CACHD1: variants seen among roughly 807,000 people sequenced by gnomAD.
CACHD1 encodes the protein VWFA and cache domain-containing protein 1.
In CACHD1, 71 loss-of-function variants were observed where a neutral mutation model predicts 138.7. The ratio of observed to expected loss-of-function variants is 0.51; its 90% CI spans 0.42 to 0.62. CACHD1 has a LOEUF of 0.62. Among genes scored for constraint, CACHD1 ranks in the 20% least tolerant of loss-of-function variants. CACHD1 has a pLI of 0.00. For missense variants in CACHD1, 1,389 were observed against 1,625.3 expected (o/e 0.85, Z 2.50); for synonymous variants, 578 against 591.5 (o/e 0.98, Z 0.33).
Position 64,530,021 on chromosome 1 carries a change from G to C in CACHD1, c.199-20573G>C, listed in dbSNP as rs568631453. Among the ~76,000 whole-genome samples the C allele has an allele frequency of 1.3e-4, 20 of 152,282 alleles. 1 individual carries two copies. The South Asian group carries it at 4.1e-3, about 32-fold the overall frequency. Reference sequence around the variant, plus strand: ...CATAGCTAACACTGATGATTCTATAGTGAAGATCATTTAGTGTTTACTGAA... The same window carrying C: ...CATAGCTAACACTGATGATTCTATACTGAAGATCATTTAGTGTTTACTGAA... On this transcript the variant is annotated intron_variant, in intron 1 of 26. Coordinates refer to ENST00000651257, the MANE Select transcript of CACHD1 (RefSeq NM_020925.4).
chr1:64,520,835 A>C (rs1398828166), intron 1 of CACHD1, among the ~76,000 whole-genome samples: 2 of 152,154 alleles, frequency 1.3e-5, no homozygotes, highest in East Asian at 3.9e-4. Context: ...CCCTCTAATC[A>C]ACTGTGTGAA....
intron 2 of CACHD1, among the ~76,000 whole-genome samples, chr1:64,567,452 C>T (rs2100501141): frequency 6.6e-6 from 1 of 152,166 alleles, no homozygotes; most frequent in South Asian, 2.1e-4. Flanking sequence ...TTTATTTATT[C>T]AACATGATAG....
At chr1:64,626,589 T>C (rs1275284585) in intron 4 of CACHD1, among the ~76,000 whole-genome samples, 2 of 152,244 alleles carry the variant, frequency 1.3e-5, no homozygotes, top group Non-Finnish European at 2.9e-5. Flanking sequence ...GTCTTGCTAA[T>C]TGAGCACTCT....
At chr1:64,648,950 T>C (rs1433336152) in intron 9 of CACHD1, among the ~76,000 whole-genome samples, 2 of 152,232 alleles carry the variant, frequency 1.3e-5, no homozygotes, top group African/African-American at 4.8e-5. Flanking sequence ...ACTTTTCCTT[T>C]TCTCTATATC....
At chr1:64,679,869 TG>T in intron 24 of CACHD1, 113 bp downstream of exon 24, 1 of 1,234,806 alleles carries the variant, frequency 8.1e-7, no homozygotes, top group South Asian at 1.6e-5. Context: ...TCAGCTTCTG[TG>T]GAGTCATTTT....
chr1:64,515,898 T>C (rs947834692), intron 1 of CACHD1, among the ~76,000 whole-genome samples: 1 of 152,204 alleles, frequency 6.6e-6, no homozygotes, highest in Non-Finnish European at 1.5e-5. Flanking sequence ...TTCTTTTGCC[T>C]AGCTCTACTT....
intron 1 of CACHD1, among the ~76,000 whole-genome samples, chr1:64,492,882 A>G (rs1646286361): frequency 6.6e-6 from 1 of 152,218 alleles, no homozygotes; most frequent in African/African-American, 2.4e-5. Flanking sequence ...CTGTTTTCTT[A>G]CACCTAAGCT....
rs1268874247 is a variant in CACHD1 at position 64,543,409 on chromosome 1, A to ATATATATATATATG, written c.199-7172_199-7171insGTATATATATATAT. ...TATCTCTAAAAAAAAATACATATAT[A>ATATATATATATATG]TATATATATATATATATTTAAATTA... is the stretch of plus-strand genomic sequence containing the variant. On this transcript the variant is annotated intron_variant, in intron 1 of 26. Transcript: ENST00000651257. 4.3e-4 allele frequency among the ~76,000 whole-genome samples: 62 copies of ATATATATATATATG among 143,822 alleles called. 1 individual carries two copies. Among genetic ancestry groups the ATATATATATATATG allele is most frequent in the African/African-American group, 1.6e-3 (61 of 38,662 alleles). The allele number at this position is 143,822 out of a possible 152,430, so 94.4% of individuals were successfully genotyped here.
intron 1 of CACHD1, among the ~76,000 whole-genome samples, chr1:64,528,169 C>T (rs1320625172): frequency 6.6e-6 from 1 of 152,180 alleles, no homozygotes; most frequent in Non-Finnish European, 1.5e-5. Context: ...ATTATTATCT[C>T]AACATCCTCA....
chr1:64,514,211 C>T (rs1646442621), intron 1 of CACHD1, among the ~76,000 whole-genome samples: 1 of 152,206 alleles, frequency 6.6e-6, no homozygotes, highest in Non-Finnish European at 1.5e-5. Context: ...GTTAAGAATT[C>T]TCCAGGGTCT....
intron 2 of CACHD1, among the ~76,000 whole-genome samples, chr1:64,581,582 CA>C (rs781472666): frequency 9.9e-5 from 15 of 152,162 alleles, no homozygotes; most frequent in Non-Finnish European, 1.9e-4. Flanking sequence ...AGACCAAACA[CA>C]AGTATATTTC....
chr1:64,601,930 T>C (rs908441876), intron 3 of CACHD1, among the ~76,000 whole-genome samples: 28 of 152,248 alleles, frequency 1.8e-4, no homozygotes, highest in African/African-American at 6.5e-4. Context: ...AAGTTCAAGA[T>C]CCTTCACTTT....
chr1:64,638,625 G>A (rs1354460858), intron 7 of CACHD1, among the ~76,000 whole-genome samples: 1 of 148,948 alleles, frequency 6.7e-6, no homozygotes, highest in Admixed American at 6.6e-5. Context: ...GAGATCTAAT[G>A]GTATGGGCAA....
In CACHD1 at chr1:64,664,617, C is replaced by T. The variant is rs186039872; in HGVS notation, c.2214C>T (p.Gly738=). The stretch of plus-strand genomic sequence containing the variant: ...GCCGTTACATAGCAACACCCAATGG[C>T]GTCCTCAGAATTTATCCTGGTTCCC... ...IVRRYIATPN[G]VLRIYPGSLM... The change falls in exon 15 of 27, where the codon GGC becomes GGT. Residue 738 remains glycine (G), a synonymous_variant. Coordinates refer to ENST00000651257, the MANE Select transcript of CACHD1 (RefSeq NM_020925.4). 7.3e-5 allele frequency: 118 copies of T among 1,614,182 alleles called. No individual in the cohort carries two copies. Among genetic ancestry groups the T allele is most frequent in the Non-Finnish European group, 9.5e-5 (112 of 1,180,028 alleles).
intron 2 of CACHD1, among the ~76,000 whole-genome samples, chr1:64,564,544 C>T (rs952141794): frequency 6.6e-6 from 1 of 152,102 alleles, no homozygotes; most frequent in Admixed American, 6.6e-5. Context: ...TGTCTTATGT[C>T]AGTTTAATTT....
chr1:64,511,279 T>C (rs945937546), intron 1 of CACHD1, among the ~76,000 whole-genome samples: 2 of 152,194 alleles, frequency 1.3e-5, no homozygotes, highest in African/African-American at 4.8e-5. Context: ...CGAGAGGAAG[T>C]CTTAGTACCT....
intron 2 of CACHD1, among the ~76,000 whole-genome samples, chr1:64,559,598 A>T (rs956593670): frequency 6.6e-6 from 1 of 152,180 alleles, no homozygotes; most frequent in African/African-American, 2.4e-5. Context: ...AACCCCCATG[A>T]CATGTGTTTC....
chr1:64,549,749 G>A (rs1646744390), intron 1 of CACHD1, among the ~76,000 whole-genome samples: 1 of 151,454 alleles, frequency 6.6e-6, no homozygotes, highest in African/African-American at 2.4e-5. Context: ...GAGTTCAGTG[G>A]TATCTTTAAA....
chr1:64,652,288 T>C lies in CACHD1; in HGVS notation c.1518T>C (p.Tyr506=). 1.2e-6 allele frequency: 2 copies of C among 1,609,988 alleles called. No homozygotes were observed. Among genetic ancestry groups the C allele is most frequent in the Middle Eastern group, 3.3e-4 (2 of 6,036 alleles). The change falls in exon 10 of 27, where the codon TAT becomes TAC. Residue 506 remains tyrosine, a synonymous_variant. Coordinates refer to ENST00000651257, the MANE Select transcript of CACHD1 (RefSeq NM_020925.4). ...ATTACCAAGACTCTTTGGCTTCCTA[T>C]ACTTTTCTCATAGACGACAAAGGTA... The part of the protein sequence containing the change: ...VTYYQDSLAS[Y]TFLIDDKGYT...
Sources: gnomAD v4.1 joint callset for allele counts (sites outside exome capture counted in the v4.1 genomes callset) on GRCh38, gnomAD v4.1.1 for gene constraint, MANE v1.5 for transcripts, NCBI Gene and HGNC (gene_info 2026-07-23, HGNC 2026-07-21) for gene names.